Variants in PACRG observed in about 807,000 individuals in gnomAD.
PACRG encodes the protein parkin coregulated, also known as parkin coregulated gene protein.
A neutral mutation model predicts 29.7 loss-of-function variants in PACRG; 29 were observed. That is an observed-to-expected ratio of 0.98 (90% confidence interval 0.73 to 1.33). The LOEUF is 1.33. PACRG is among the 40% of genes most tolerant of loss of function. PACRG has a pLI of 0.00. For synonymous variants in PACRG, 116 were observed against 118.7 expected (o/e 0.98, Z 0.15); for missense variants, 279 against 316.2 (o/e 0.88, Z 0.89).
chr6:163,031,552 C>T (rs945739012), intron 2 of PACRG, among the ~76,000 whole-genome samples: 2 of 152,146 alleles, frequency 1.3e-5, no homozygotes, highest in African/African-American at 4.8e-5. Context: ...TTGCAGTTTC[C>T]CATTTTTACT....
intron 2 of PACRG, among the ~76,000 whole-genome samples, chr6:163,059,451 T>G (rs189245335): frequency 1.3e-5 from 2 of 152,180 alleles, no homozygotes; most frequent in Non-Finnish European, 2.9e-5. Context: ...AGAAAAGATG[T>G]GATAAATAAA....
chr6:163,109,850 GAGA>G (rs1221358379), intron 4 of PACRG, among the ~76,000 whole-genome samples: 1 of 152,188 alleles, frequency 6.6e-6, no homozygotes, highest in Non-Finnish European at 1.5e-5. Context: ...CAGTGAAATT[GAGA>G]AGGAGATTGG....
intron 3 of PACRG, among the ~76,000 whole-genome samples, chr6:163,083,327 G>A (rs757550730): frequency 6.6e-6 from 1 of 152,112 alleles, no homozygotes; most frequent in African/African-American, 2.4e-5. Flanking sequence ...TTAACTGTTT[G>A]TGTATCACCT....
intron 4 of PACRG, among the ~76,000 whole-genome samples, chr6:163,245,467 G>A (rs758521171): frequency 2.0e-5 from 3 of 152,128 alleles, no homozygotes; most frequent in Admixed American, 6.5e-5. Context: ...CAGAGCCGGC[G>A]TCTCCGTGAC....
At chr6:162,851,795 C>T (rs1388755602) in intron 2 of PACRG, among the ~76,000 whole-genome samples, 1 of 151,906 alleles carries the variant, frequency 6.6e-6, no homozygotes, top group African/African-American at 2.4e-5. Context: ...TTTCCCATAA[C>T]CATGTGTCCA....
At chr6:162,914,368 G>A (rs1796534669) in intron 2 of PACRG, among the ~76,000 whole-genome samples, 1 of 151,998 alleles carries the variant, frequency 6.6e-6, no homozygotes, top group Non-Finnish European at 1.5e-5. Flanking sequence ...GTATACATAT[G>A]GAATAGAATA....
At chr6:162,797,224 G>A (rs760711951) in intron 1 of PACRG, among the ~76,000 whole-genome samples, 8 of 152,074 alleles carry the variant, frequency 5.3e-5, no homozygotes, top group Non-Finnish European at 1.0e-4. Context: ...ACAGTGAGCC[G>A]AGATCATTCC....
intron 4 of PACRG, among the ~76,000 whole-genome samples, chr6:163,093,761 C>A (rs983581880): frequency 1.3e-5 from 2 of 152,076 alleles, no homozygotes; most frequent in African/African-American, 4.8e-5. Context: ...TATCCTGTCC[C>A]CACGTTTGTA....
At chr6:163,103,088 C>T (rs773545682) in intron 4 of PACRG, among the ~76,000 whole-genome samples, 1 of 152,180 alleles carries the variant, frequency 6.6e-6, no homozygotes, top group Non-Finnish European at 1.5e-5. Context: ...ACAACACCCA[C>T]ATATTATCTC....
chr6:162,866,643 C>G (rs1168379767), intron 2 of PACRG, among the ~76,000 whole-genome samples: 1 of 152,120 alleles, frequency 6.6e-6, no homozygotes, highest in Admixed American at 6.5e-5. Flanking sequence ...AACTAGAATG[C>G]TGATTTCCAA....
chr6:162,827,043 A>G (rs1584472153), intron 2 of PACRG, among the ~76,000 whole-genome samples: 2 of 152,152 alleles, frequency 1.3e-5, no homozygotes, highest in Non-Finnish European at 2.9e-5. Flanking sequence ...TAGACTTGTT[A>G]TTAATTTTTA....
intron 2 of PACRG, among the ~76,000 whole-genome samples, chr6:162,981,676 A>T (rs998551849): frequency 1.3e-5 from 2 of 152,008 alleles, no homozygotes; most frequent in Non-Finnish European, 2.9e-5. Flanking sequence ...TGAACATGGG[A>T]TGTGTTTCCA....
intron 2 of PACRG, among the ~76,000 whole-genome samples, chr6:162,817,496 T>C (rs1488933794): frequency 1.3e-5 from 2 of 152,166 alleles, no homozygotes; most frequent in Admixed American, 1.3e-4. Flanking sequence ...TTCGTCTCTT[T>C]CTTGTGGCAT....
intron 3 of PACRG, among the ~76,000 whole-genome samples, chr6:163,087,267 A>C (rs1813651192): frequency 6.6e-6 from 1 of 151,684 alleles, no homozygotes; most frequent in Non-Finnish European, 1.5e-5. Flanking sequence ...AGAGAAGAGG[A>C]GGTGAGGCTG....
intron 2 of PACRG, among the ~76,000 whole-genome samples, chr6:162,829,207 T>C (rs1317828425): frequency 1.3e-5 from 2 of 152,222 alleles, no homozygotes; most frequent in African/African-American, 4.8e-5. Flanking sequence ...TAAAGTGTCA[T>C]ATCTAGATTG....
rs1190146053 is a variant in PACRG at position 162,747,325 on chromosome 6, C to CATATAT, written c.156+18968_156+18973dup. On this transcript the variant is annotated intron_variant, in intron 1 of 4. Coordinates refer to ENST00000366888, the MANE Select transcript of PACRG (RefSeq NM_001080379.2). ...GGAACTCAGACTGGCTCTCCTTGCT[C>CATATAT]ATATATATATATATATATATATATA... Among the ~76,000 whole-genome samples, 211 of 33,198 alleles carry CATATAT rather than the reference C, an allele frequency of 6.4e-3. 2 individuals are homozygous for CATATAT. Among genetic ancestry groups the CATATAT allele is most frequent in the Middle Eastern group, 0.018 (1 of 56 alleles). 21.8% of individuals were successfully genotyped at this position (33,198 alleles called of 152,430 possible).
intron 4 of PACRG, chr6:163,191,819 C>G (rs1204309128): frequency 2.2e-6 from 1 of 454,414 alleles, no homozygotes; most frequent in Admixed American, 2.4e-5. Flanking sequence ...TTTCTCTAAA[C>G]CCTGTAACAC....
chr6:163,276,072 G>C (rs955884503), intron 4 of PACRG, among the ~76,000 whole-genome samples: 2 of 147,664 alleles, frequency 1.4e-5, no homozygotes, highest in African/African-American at 5.1e-5. Context: ...TATCACCCAA[G>C]CTGGAATGCA....
intron 4 of PACRG, chr6:163,090,152 A>G (rs1344672329): frequency 1.3e-5 from 2 of 152,210 alleles, no homozygotes; most frequent in African/African-American, 2.4e-5. Context: ...AAACTTTTAC[A>G]ACATGATCTG....
Sources: gnomAD v4.1 joint callset for allele counts (sites outside exome capture counted in the v4.1 genomes callset) on GRCh38, gnomAD v4.1.1 for gene constraint, MANE v1.5 for transcripts, NCBI Gene and HGNC (gene_info 2026-07-23, HGNC 2026-07-21) for gene names.